SULT1A1: variants seen among roughly 807,000 people sequenced by gnomAD.
SULT1A1 encodes sulfotransferase family 1A member 1.
Under a neutral mutation model 36.8 loss-of-function variants are expected in SULT1A1, and 35 were observed. That is an observed-to-expected ratio of 0.95 (90% CI 0.73 to 1.26). The LOEUF is 1.26. SULT1A1 is among the 50% of genes most tolerant of loss of function. The probability of loss-of-function intolerance (pLI) is 0.00; values close to 1 mark genes in which losing one functional copy is unlikely to be tolerated. For missense variants in SULT1A1, 309 were observed against 383.0 expected, an observed-to-expected ratio of 0.81 and a Z score of 1.61; for synonymous variants, 119 against 146.0, an observed-to-expected ratio of 0.82 and a Z score of 1.33.
rs1182071136 is a variant in SULT1A1, at chr16:28,609,802, C to T, written c.-5+129G>A. 3.7e-5 allele frequency: 39 copies of T among 1,042,770 alleles called. 1 individual carries two copies. The South Asian group carries it at 4.5e-4, about 12-fold the overall frequency. The allele number at this position is 1,042,770 out of a possible 1,614,324, so 64.6% of individuals were successfully genotyped here. A position where few individuals can be genotyped will look rare whatever the true frequency, so the allele number is the denominator to read the frequency against. On this transcript the variant is annotated intron_variant, in intron 1 of 7. Transcript: ENST00000314752. Reference sequence around the variant, plus strand: ...GGGAAGGGAGGGGGATTCACGCAGGCCAGGGTTGTCTGAAATGGGATATCC... The same window carrying T: ...GGGAAGGGAGGGGGATTCACGCAGGTCAGGGTTGTCTGAAATGGGATATCC...
At chr16:28,606,012 G>A (rs768818419) in intron 7 of SULT1A1, 44 bp downstream of exon 7, 3 of 1,545,128 alleles carry the variant, frequency 1.9e-6, no homozygotes, top group African/African-American at 1.3e-5. Context: ...GGCTGCAGCT[G>A]CTGCTCCCAC....
Position 28,605,770 on chromosome 16 carries a change from T to C in SULT1A1, c.*51A>G, listed in dbSNP as rs778171322. 20 of 1,609,750 alleles carry C rather than the reference T, an allele frequency of 1.2e-5. No homozygotes were observed. The highest frequency in any genetic ancestry group is 1.7e-5 in the Non-Finnish European group (20 of 1,178,122). On this transcript the variant is annotated 3_prime_UTR_variant, in exon 8 of 8. Transcript: ENST00000314752. ...ATTCATATTTTATTCTTGAGCCGCTTGGTCAGGTTTGATTCGCACACTCCC... is the reference window on the plus strand; with the variant it reads ...ATTCATATTTTATTCTTGAGCCGCTCGGTCAGGTTTGATTCGCACACTCCC...
At position 28,609,039 on chromosome 16, in the gene SULT1A1, G is replaced by T. The variant is rs2047344536; in HGVS notation, c.-4-180C>A. On this transcript the variant is annotated intron_variant, in intron 1 of 7. Coordinates refer to ENST00000314752, the MANE Select transcript of SULT1A1 (RefSeq NM_001055.4). ...AACCAGGTCGGGCTCTAATGCGGTGGTTCCCCAGCCTGGCCTCACCTTTCA... is the reference window on the plus strand; with the variant it reads ...AACCAGGTCGGGCTCTAATGCGGTGTTTCCCCAGCCTGGCCTCACCTTTCA... 4.6e-5 allele frequency: 69 copies of T among 1,492,398 alleles called. 1 individual carries two copies. The South Asian group carries it at 8.7e-4, about 19-fold the overall frequency. 92.4% of individuals were successfully genotyped at this position (1,492,398 alleles called of 1,614,324 possible). A position where few individuals can be genotyped will look rare whatever the true frequency, so the allele number is the denominator to read the frequency against.
Position 28,605,590 on chromosome 16 carries a change from T to C in SULT1A1, c.*231A>G. The C allele has an allele frequency of 1.3e-6, 1 of 743,546 alleles. No individual in the cohort carries two copies. The highest frequency in any genetic ancestry group is 2.1e-6 in the Non-Finnish European group (1 of 466,274). The allele number at this position is 743,546 out of a possible 1,614,324, so 46.1% of individuals were successfully genotyped here. A position where few individuals can be genotyped will look rare whatever the true frequency, so the allele number is the denominator to read the frequency against. On this transcript the variant is annotated 3_prime_UTR_variant, in exon 8 of 8. Coordinates refer to ENST00000314752, the MANE Select transcript of SULT1A1 (RefSeq NM_001055.4). ...CCTGGCCCACAATCATATTTTATTC[T>C]CTTTTTAAAAATTGGTTTTATTTTA...
upstream of SULT1A1, chr16:28,610,300 C>T (rs2047404016): frequency 1.1e-6 from 1 of 950,194 alleles, no homozygotes; most frequent in South Asian, 1.7e-5. Context: ...TCCGAGCTGT[C>T]ACTGGGCTCC....
At chr16:28,607,231 C>T in intron 4 of SULT1A1, 154 bp from the exon 5 acceptor site, 1 of 1,373,088 alleles carries the variant, frequency 7.3e-7, no homozygotes. Context: ...GGAGCTGAAC[C>T]CTGCTCAGAA....
At chr16:28,619,382 A>C (rs1273229900) in intron 2 of SULT1A1, among the ~76,000 whole-genome samples, 5 of 152,184 alleles carry the variant, frequency 3.3e-5, no homozygotes, top group South Asian at 2.1e-4. Flanking sequence ...TACATCTATC[A>C]AAATAACTTT....
rs761061758 is a variant in SULT1A1 at position 28,623,120 on chromosome 16, C to T, written c.67+11G>A. ...GGTCCCACCCCCCAGGTTCCCCCCCCGGCCCCTCACCGGCGTAGAAGGCCG... is the reference window on the plus strand; with the variant it reads ...GGTCCCACCCCCCAGGTTCCCCCCCTGGCCCCTCACCGGCGTAGAAGGCCG... On this transcript the variant is annotated intron_variant, in intron 1 of 5. Transcript: ENST00000350842. 1.2e-5 allele frequency: 19 copies of T among 1,528,264 alleles called. No individual in the cohort carries two copies. The Middle Eastern group carries it at 8.8e-4, about 71-fold the overall frequency. 94.7% of individuals were successfully genotyped at this position (1,528,264 alleles called of 1,614,324 possible).
upstream of SULT1A1, chr16:28,611,176 A>G (rs1217850138): frequency 6.6e-6 from 1 of 152,206 alleles, no homozygotes; most frequent in African/African-American, 2.4e-5. Flanking sequence ...AACCTGTCGG[A>G]CCCACACGGG....
chr16:28,606,385 C>G (rs1212658090), intron 6 of SULT1A1, 149 bp from the exon 7 acceptor site: 2 of 1,422,738 alleles, frequency 1.4e-6, no homozygotes, highest in African/African-American at 1.4e-5. Context: ...GCCCCAGTCC[C>G]GGGGGTAAAA....
chr16:28,616,617 C>T (rs1567316320), intron 2 of SULT1A1, among the ~76,000 whole-genome samples: 4 of 151,948 alleles, frequency 2.6e-5, no homozygotes, highest in Non-Finnish European at 5.9e-5. Context: ...CAGACAGGGT[C>T]TTGCTATGTT....
At position 28,606,938 on chromosome 16, in the gene SULT1A1, C is replaced by T. The variant is rs750141699; in HGVS notation, c.499+13G>A. On this transcript the variant is annotated intron_variant, in intron 5 of 7. Transcript: ENST00000314752. ...CCTTAGCTCCACACTTTCCTTCCTC[C>T]CATCAAACCCACCTTCTCCGACCAT... is the stretch of plus-strand genomic sequence containing the variant. 4.3e-6 allele frequency: 7 copies of T among 1,612,336 alleles called. No individual in the cohort carries two copies. In the South Asian group the frequency reaches 5.5e-5, roughly 13 times the overall value.
intron 2 of SULT1A1, among the ~76,000 whole-genome samples, chr16:28,619,357 T>A (rs1242356880): frequency 6.6e-6 from 1 of 152,196 alleles, no homozygotes; most frequent in African/African-American, 2.4e-5. Flanking sequence ...TAGACACTCT[T>A]AAAGCCTCTC....
upstream of SULT1A1, chr16:28,610,264 G>GTTTTTTTTTTTTTTTT (rs538720119): frequency 1.9e-3 from 654 of 349,272 alleles, 3 homozygotes; most frequent in South Asian, 5.6e-3. Flanking sequence ...TTTTTTTTCT[G>GTTTTTTTTTTTTTTTT]TTTTTTTTTT....
At chr16:28,616,142 CCTCA>C (rs2047542484) in intron 2 of SULT1A1, among the ~76,000 whole-genome samples, 1 of 152,158 alleles carries the variant, frequency 6.6e-6, no homozygotes, top group Non-Finnish European at 1.5e-5. Flanking sequence ...TCCGGTCACA[CCTCA>C]CTATGTCCCT....
Position 28,608,657 on chromosome 16 carries a change from C to A in SULT1A1, c.148+51G>T, listed in dbSNP as rs376930263. 13 of 1,611,042 alleles carry A rather than the reference C, an allele frequency of 8.1e-6. No individual in the cohort carries two copies. The Admixed American group carries it at 2.2e-4, about 27-fold the overall frequency. On this transcript the variant is annotated intron_variant, in intron 2 of 7. Transcript: ENST00000314752. Reference sequence around the variant, plus strand: ...CAGGCTGAGGGCACGACCTCGCTGGCCAAGGTGGGGACTGCCACCTGGGAG... The same window carrying A: ...CAGGCTGAGGGCACGACCTCGCTGGACAAGGTGGGGACTGCCACCTGGGAG...
At chr16:28,621,470 A>G (rs2047651669) in intron 1 of SULT1A1, among the ~76,000 whole-genome samples, 1 of 133,430 alleles carries the variant, frequency 7.5e-6, no homozygotes, top group Non-Finnish European at 1.6e-5. Context: ...GCAATAAAAC[A>G]AGACTCTGTC....
At position 28,605,428 on chromosome 16, in the gene SULT1A1, G is replaced by A. The variant is rs771640660; in HGVS notation, c.*393C>T. 2.4e-5 allele frequency: 8 copies of A among 335,862 alleles called. No individual in the cohort carries two copies. The highest frequency in any genetic ancestry group is 1.3e-4 in the African/African-American group (6 of 47,054). The allele number at this position is 335,862 out of a possible 1,614,324, so 20.8% of individuals were successfully genotyped here. On this transcript the variant is annotated 3_prime_UTR_variant, in exon 8 of 8. Transcript: ENST00000314752. ...TGGGACTACAGGTGCCCACCATCAC[G>A]TACAGATAATTTTCTCAAATTTTTG...
chr16:28,620,928 C>T (rs373672743), intron 1 of SULT1A1, among the ~76,000 whole-genome samples: 113 of 151,848 alleles, frequency 7.4e-4, no homozygotes, highest in African/African-American at 2.4e-3. Context: ...CTGACCAACA[C>T]GGAGAAACCC....
Sources: gnomAD v4.1 joint callset for allele counts (sites outside exome capture counted in the v4.1 genomes callset) on GRCh38, gnomAD v4.1.1 for gene constraint, MANE v1.5 for transcripts, NCBI Gene and HGNC (gene_info 2026-07-23, HGNC 2026-07-21) for gene names.